The following NCALD variants were observed in gnomAD, a reference collection of about 807,000 sequenced individuals.
The protein encoded by NCALD is neurocalcin-delta.
NCALD carries 10 observed loss-of-function variants against 18.6 expected under a neutral mutation model. That is an observed-to-expected ratio of 0.54 (90% confidence interval 0.33 to 0.91). The LOEUF (loss-of-function observed/expected upper bound fraction) is 0.91. Ranked by LOEUF, NCALD falls within the 40% of genes least tolerant of loss-of-function variation. The pLI, the probability that NCALD is intolerant of heterozygous loss-of-function variation, is 0.03. For missense variants in NCALD, 184 were observed against 247.6 expected (o/e 0.74, Z 1.72); for synonymous variants, 88 against 87.4 (o/e 1.01, Z -0.04).
chr8:101,932,444 T>C (rs912242384), intron 2 of NCALD, among the ~76,000 whole-genome samples: 1 of 152,176 alleles, frequency 6.6e-6, no homozygotes, highest in Non-Finnish European at 1.5e-5. Flanking sequence ...CATCTCCCAA[T>C]AACCCTTTCC....
chr8:101,973,413 G>A (rs1482983464), intron 2 of NCALD, among the ~76,000 whole-genome samples: 1 of 152,062 alleles, frequency 6.6e-6, no homozygotes, highest in East Asian at 1.9e-4. Flanking sequence ...CTGAGGTTAG[G>A]GGTTTGAATG....
intron 3 of NCALD, among the ~76,000 whole-genome samples, chr8:101,904,637 T>G (rs1312463290): frequency 4.6e-5 from 7 of 152,180 alleles, no homozygotes; most frequent in Admixed American, 4.6e-4. Context: ...CCTTCTATTT[T>G]ATTACCCTTT....
intron 2 of NCALD, among the ~76,000 whole-genome samples, chr8:101,922,453 C>T (rs576044051): frequency 4.9e-4 from 75 of 152,262 alleles, no homozygotes; most frequent in South Asian, 6.2e-4. Flanking sequence ...CCTATTTGTT[C>T]CCAGCAATTA....
chr8:102,051,497 A>T (rs1823458351), intron 1 of NCALD, among the ~76,000 whole-genome samples: 1 of 152,108 alleles, frequency 6.6e-6, no homozygotes, highest in African/African-American at 2.4e-5. Flanking sequence ...TGTTCTTAAA[A>T]TTTTTTACTC....
intron 1 of NCALD, chr8:102,123,869 G>C (rs1185209393): frequency 6.6e-6 from 1 of 152,462 alleles, no homozygotes; most frequent in Admixed American, 6.6e-5. Flanking sequence ...TCCCCGGGCC[G>C]CCAGGCTCAC....
intron 2 of NCALD, among the ~76,000 whole-genome samples, chr8:101,991,049 T>G (rs1180226234): frequency 6.6e-6 from 1 of 152,168 alleles, no homozygotes; most frequent in Non-Finnish European, 1.5e-5. Context: ...TTTGGTTCTG[T>G]GAATGGCAGT....
rs869241027 is a variant in NCALD, at chr8:101,730,479, C to CAAAAAAAAAAAAAAAAAA, written c.-19-10849_-19-10832dup. ...TGGGCAACAGAGCGAGACTCCATCT[C>CAAAAAAAAAAAAAAAAAA]AAAAAAAAAAAAAAAAAAAAAAAAA... On this transcript the variant is annotated intron_variant, in intron 1 of 3. Transcript: ENST00000220931. 4.6e-5 allele frequency among the ~76,000 whole-genome samples: 2 copies of CAAAAAAAAAAAAAAAAAA among 43,672 alleles called. 1 individual carries two copies. Among genetic ancestry groups the CAAAAAAAAAAAAAAAAAA allele is most frequent in the African/African-American group, 1.7e-4 (2 of 11,858 alleles). 28.7% of individuals were successfully genotyped at this position (43,672 alleles called of 152,430 possible).
At chr8:101,874,833 C>T (rs1313944) in intron 4 of NCALD, among the ~76,000 whole-genome samples, 41,492 of 151,930 alleles carry the variant, frequency 0.27, 6,023 homozygotes, top group East Asian at 0.39. Flanking sequence ...CAGCGTCTTA[C>T]CCAATTTTTA....
intron 2 of NCALD, among the ~76,000 whole-genome samples, chr8:101,704,119 C>G (rs7829692): frequency 1.2e-4 from 18 of 152,234 alleles, no homozygotes; most frequent in African/African-American, 2.9e-4. Context: ...ATCTGAAAAG[C>G]AAGACCTGGA....
chr8:101,894,529 A>T (rs1309778248), intron 3 of NCALD, among the ~76,000 whole-genome samples: 5 of 144,708 alleles, frequency 3.5e-5, no homozygotes, highest in Non-Finnish European at 7.4e-5. Flanking sequence ...GAACTGAAGG[A>T]AATAGAGACA....
intron 2 of NCALD, among the ~76,000 whole-genome samples, chr8:101,694,901 T>G (rs775974640): frequency 2.0e-5 from 3 of 151,952 alleles, no homozygotes; most frequent in Admixed American, 6.6e-5. Flanking sequence ...CACGCCCAGG[T>G]GAATATTTAG....
In NCALD at chr8:101,688,562, T is replaced by A; in HGVS notation, c.*747A>T. On this transcript the variant is annotated 3_prime_UTR_variant, in exon 4 of 4. Transcript: ENST00000220931. ...ACTTAATTTGGTCTGCATTACCCAA[T>A]ATGTTATATACAGCCGTCTTTTTAT... The A allele has an allele frequency of 2.3e-6, 1 of 428,044 alleles. No individual in the cohort carries two copies. Among genetic ancestry groups the A allele is most frequent in the Non-Finnish European group, 4.7e-6 (1 of 214,566 alleles). 26.5% of individuals were successfully genotyped at this position (428,044 alleles called of 1,614,324 possible).
chr8:101,932,002 A>G (rs773391116), intron 2 of NCALD, among the ~76,000 whole-genome samples: 2 of 152,120 alleles, frequency 1.3e-5, no homozygotes, highest in Non-Finnish European at 2.9e-5. Flanking sequence ...ACAGCCCATC[A>G]TTGCCACACT....
chr8:101,688,784 G>T lies in NCALD; in HGVS notation c.*525C>A. On this transcript the variant is annotated 3_prime_UTR_variant, in exon 4 of 4. Transcript: ENST00000220931. Reference sequence around the variant, plus strand: ...CTACAGCCTGCTGGGGAAGAGAGGGGAGTGGGCCCCCATGGGGAAATGTCC... The same window carrying T: ...CTACAGCCTGCTGGGGAAGAGAGGGTAGTGGGCCCCCATGGGGAAATGTCC... 1 of 599,014 alleles carries T rather than the reference G, an allele frequency of 1.7e-6. No individual in the cohort carries two copies. Among genetic ancestry groups the T allele is most frequent in the Non-Finnish European group, 3.1e-6 (1 of 320,720 alleles). The allele number at this position is 599,014 out of a possible 1,614,324, so 37.1% of individuals were successfully genotyped here.
chr8:102,120,935 A>G (rs141104292), intron 1 of NCALD, among the ~76,000 whole-genome samples: 2 of 152,258 alleles, frequency 1.3e-5, no homozygotes, highest in African/African-American at 2.4e-5. Flanking sequence ...TTATCCGCAA[A>G]TGATATTCTC....
intron 1 of NCALD, among the ~76,000 whole-genome samples, chr8:102,059,619 A>G (rs1823770204): frequency 6.6e-6 from 1 of 152,256 alleles, no homozygotes; most frequent in Non-Finnish European, 1.5e-5. Context: ...GGTTTACAAT[A>G]CTGCATGAAT....
chr8:101,761,738 C>T (rs1264113399), intron 1 of NCALD, among the ~76,000 whole-genome samples: 1 of 152,160 alleles, frequency 6.6e-6, no homozygotes, highest in South Asian at 2.1e-4. Flanking sequence ...TCCAGAGCTG[C>T]GCACGCAGCT....
At position 101,927,559 on chromosome 8, in the gene NCALD, G is replaced by A. The variant is rs141880655; in HGVS notation, c.-156-11701C>T. ...GCAATCTAAGCAGAGGGAACAGCCC[G>A]TGCAAAGGCCCAGAGATGGGAAAGG... On this transcript the variant is annotated intron_variant, in intron 2 of 6. Transcript: ENST00000311028. Among the ~76,000 whole-genome samples the A allele has an allele frequency of 8.1e-3, 1,241 of 152,280 alleles. 13 individuals are homozygous for A. Among genetic ancestry groups the A allele is most frequent in the Middle Eastern group, 0.037 (11 of 294 alleles).
At chr8:102,032,417 G>A (rs1822707649) in intron 1 of NCALD, among the ~76,000 whole-genome samples, 1 of 152,134 alleles carries the variant, frequency 6.6e-6, no homozygotes, top group Admixed American at 6.6e-5. Context: ...GAACTAAGCT[G>A]TTGTATATCC....
Sources: gnomAD v4.1 joint callset for allele counts (sites outside exome capture counted in the v4.1 genomes callset) on GRCh38, gnomAD v4.1.1 for gene constraint, MANE v1.5 for transcripts, NCBI Gene and HGNC (gene_info 2026-07-23, HGNC 2026-07-21) for gene names.